The following DOP1A variants were observed in gnomAD, a reference collection of about 807,000 sequenced individuals.
The protein encoded by DOP1A is DOP1 leucine zipper like protein A.
A neutral mutation model predicts 267.6 loss-of-function variants in DOP1A; 90 were observed. The observed-to-expected ratio is 0.34, with a 90% CI of 0.28 to 0.40. DOP1A has a LOEUF of 0.40. DOP1A is among the 10% of genes least tolerant of loss of function. The probability of loss-of-function intolerance (pLI) is 1.00; values close to 1 mark genes in which losing one functional copy is unlikely to be tolerated. For missense variants in DOP1A, 2,437 were observed against 2,900.4 expected (o/e 0.84, Z 3.67); for synonymous variants, 932 against 999.1 (o/e 0.93, Z 1.27).
intron 1 of DOP1A, among the ~76,000 whole-genome samples, chr6:83,068,368 A>G (rs1302016855): frequency 1.3e-5 from 2 of 152,182 alleles, no homozygotes; most frequent in African/African-American, 4.8e-5. Context: ...AGCCTTTTAA[A>G]GTTGCAACAT....
downstream of DOP1A, chr6:83,169,380 G>C: frequency 6.3e-7 from 1 of 1,594,674 alleles, no homozygotes; most frequent in Non-Finnish European, 8.6e-7. Flanking sequence ...GTCTAACATG[G>C]GCAAGACCAT....
intron 33 of DOP1A, 41 bp from the exon 34 acceptor site, chr6:83,155,910 T>G: frequency 6.3e-7 from 1 of 1,587,396 alleles, no homozygotes; most frequent in Non-Finnish European, 8.5e-7. Flanking sequence ...TAATCTTTCT[T>G]CAGATGACAG....
intron 1 of DOP1A, among the ~76,000 whole-genome samples, chr6:83,079,969 T>A (rs187815688): frequency 9.2e-5 from 14 of 152,314 alleles, no homozygotes; most frequent in African/African-American, 3.1e-4. Flanking sequence ...TCTCATGTCT[T>A]ACCTTCTGCT....
In DOP1A at chr6:83,096,879, T is replaced by C. The variant is rs928317283; in HGVS notation, c.-53-46T>C. ...TTTGTAGTAAGATCATATGAACCCG[T>C]TTTAATACTTTGTAACCTTGGTTCC... On this transcript the variant is annotated intron_variant, in intron 2 of 38. Coordinates refer to ENST00000349129, the MANE Select transcript of DOP1A (RefSeq NM_015018.4). The C allele has an allele frequency of 2.8e-6, 4 of 1,424,260 alleles. No individual in the cohort carries two copies. The East Asian group carries it at 9.1e-5, about 32-fold the overall frequency. The allele number at this position is 1,424,260 out of a possible 1,614,324, so 88.2% of individuals were successfully genotyped here. A position where few individuals can be genotyped will look rare whatever the true frequency, so the allele number is the denominator to read the frequency against.
At chr6:83,093,030 G>GTTTTCCTCCCCACA (rs1198134280) in intron 1 of DOP1A, among the ~76,000 whole-genome samples, 1 of 152,156 alleles carries the variant, frequency 6.6e-6, no homozygotes, top group Non-Finnish European at 1.5e-5. Flanking sequence ...AAGAAGTACT[G>GTTTTCCTCCCCACA]TATGACTGTG....
At chr6:83,076,836 T>C (rs1366425693) in intron 1 of DOP1A, among the ~76,000 whole-genome samples, 1 of 152,234 alleles carries the variant, frequency 6.6e-6, no homozygotes, top group African/African-American at 2.4e-5. Flanking sequence ...ATAGCAGCAC[T>C]ACTCGTGATA....
rs779436178 is a variant in DOP1A at position 83,137,129 on chromosome 6, G to A, written c.3131-44G>A. 3.4e-6 allele frequency: 5 copies of A among 1,463,448 alleles called. No homozygotes were observed. The South Asian group carries it at 7.3e-5, about 21-fold the overall frequency. 90.7% of individuals were successfully genotyped at this position (1,463,448 alleles called of 1,614,324 possible). The stretch of plus-strand genomic sequence containing the variant: ...ATTTCTACATTTCAATTATTTTAAT[G>A]CATTTTGTATTTTTCTTCTTTTACT... On this transcript the variant is annotated intron_variant, in intron 20 of 38. Coordinates refer to ENST00000349129, the MANE Select transcript of DOP1A (RefSeq NM_015018.4).
chr6:83,093,001 A>T (rs1264242524), intron 1 of DOP1A, among the ~76,000 whole-genome samples: 2 of 152,214 alleles, frequency 1.3e-5, no homozygotes, highest in African/African-American at 4.8e-5. Flanking sequence ...CAGACAGTGA[A>T]AATGTGGATG....
At chr6:83,125,317 T>C (rs1776990177) in intron 14 of DOP1A, 122 bp downstream of exon 14, 1 of 1,172,996 alleles carries the variant, frequency 8.5e-7, no homozygotes. Flanking sequence ...AGTATTTAAA[T>C]TGAGAATTTG....
In DOP1A at chr6:83,132,165, C is replaced by CT. The variant is rs1201298971; in HGVS notation, c.2617-5dup. On this transcript the variant is annotated splice_polypyrimidine_tract_variant and intron_variant, in intron 17 of 38. Coordinates refer to ENST00000349129, the MANE Select transcript of DOP1A (RefSeq NM_015018.4). ...GGTATTGTGACTGTCACTTTTACAT[C>CT]TTTTTTATAGCATGTAGCTTTAACA... The CT allele has an allele frequency of 6.3e-7, 1 of 1,597,928 alleles. No homozygotes were observed. The highest frequency in any genetic ancestry group is 8.6e-7 in the Non-Finnish European group (1 of 1,167,520).
At chr6:83,103,482 TA>T (rs1192539073) in intron 4 of DOP1A, among the ~76,000 whole-genome samples, 5 of 152,274 alleles carry the variant, frequency 3.3e-5, no homozygotes, top group East Asian at 3.9e-4. Flanking sequence ...AAAAAACCAT[TA>T]AAAAAATTTT....
chr6:83,151,467 A>C, intron 27 of DOP1A, 126 bp from the exon 28 acceptor site: 2 of 604,732 alleles, frequency 3.3e-6, no homozygotes, highest in Non-Finnish European at 2.8e-6. Context: ...GGATATGTAT[A>C]TATATTAAAT....
At chr6:83,113,180 C>A in intron 6 of DOP1A, 143 bp from the exon 7 acceptor site, 1 of 568,818 alleles carries the variant, frequency 1.8e-6, no homozygotes. Context: ...TATATATATA[C>A]TATTCAAAAT....
intron 4 of DOP1A, among the ~76,000 whole-genome samples, chr6:83,103,253 G>A (rs1195939666): frequency 3.3e-5 from 5 of 152,154 alleles, no homozygotes; most frequent in Admixed American, 3.3e-4. Flanking sequence ...AACAAACATC[G>A]TATGTTCTCA....
chr6:83,131,555 T>C (rs1778027458), intron 17 of DOP1A, among the ~76,000 whole-genome samples: 1 of 152,190 alleles, frequency 6.6e-6, no homozygotes, highest in Non-Finnish European at 1.5e-5. Context: ...AATGTGGGAT[T>C]TGTATCTTAT....
chr6:83,102,737 A>G (rs544716981), intron 4 of DOP1A, among the ~76,000 whole-genome samples: 11 of 152,330 alleles, frequency 7.2e-5, no homozygotes, highest in African/African-American at 1.9e-4. Context: ...TAAAAAGTCT[A>G]TTGACTGCTT....
At chr6:83,137,144 C>T in intron 20 of DOP1A, 29 bp from the exon 21 acceptor site, 1 of 1,499,060 alleles carries the variant, frequency 6.7e-7, no homozygotes, top group Non-Finnish European at 8.9e-7. Context: ...TTGTATTTTT[C>T]TTCTTTTACT....
At position 83,145,560 on chromosome 6, in the gene DOP1A, G is replaced by A; in HGVS notation, c.5578G>A (p.Val1860Met). 1 of 1,609,064 alleles carries A rather than the reference G, an allele frequency of 6.2e-7. No homozygotes were observed. The highest frequency in any genetic ancestry group is 1.1e-5 in the South Asian group (1 of 90,402). ...AGCCAGTGAAGAACAGCTTTTATTAGTGGAATTGGTTCGTTCAATCAGTGT... is the reference window on the plus strand; with the variant it reads ...AGCCAGTGAAGAACAGCTTTTATTAATGGAATTGGTTCGTTCAATCAGTGT... ...PAASEEQLLL[V>M]ELVRSISVMR... Residue 1860 changes from valine (V) to methionine (M), a missense_variant, in exon 25 of 39, where the codon GTG (valine) becomes ATG (methionine). Val to Met is a conservative substitution (Grantham distance 21, BLOSUM62 1). Transcript: ENST00000349129.
In DOP1A at chr6:83,168,395, C is replaced by T. The variant is rs1583235484; in HGVS notation, c.*228C>T. The T allele has an allele frequency of 1.4e-5, 18 of 1,284,576 alleles. No homozygotes were observed. Among genetic ancestry groups the T allele is most frequent in the Non-Finnish European group, 1.7e-5 (17 of 1,016,368 alleles). The allele number at this position is 1,284,576 out of a possible 1,614,324, so 79.6% of individuals were successfully genotyped here. ...GGTGCCTAAGAGAGCTATATATATA[C>T]ACATGTAAAGTCCATTGTTTTTATT... On this transcript the variant is annotated 3_prime_UTR_variant, in exon 39 of 39. Coordinates refer to ENST00000349129, the MANE Select transcript of DOP1A (RefSeq NM_015018.4).
Sources: gnomAD v4.1 joint callset for allele counts (sites outside exome capture counted in the v4.1 genomes callset) on GRCh38, gnomAD v4.1.1 for gene constraint, MANE v1.5 for transcripts, NCBI Gene and HGNC (gene_info 2026-07-23, HGNC 2026-07-21) for gene names.